The following TASP1 variants were observed in gnomAD, a reference collection of about 807,000 sequenced individuals.
TASP1 encodes the protein taspase 1, also known as threonine aspartase 1.
A neutral mutation model predicts 56.6 loss-of-function variants in TASP1; 16 were observed. That is an observed-to-expected ratio of 0.28 (90% CI 0.19 to 0.43). The LOEUF (loss-of-function observed/expected upper bound fraction) is 0.43. Ranked by LOEUF, TASP1 falls within the 20% of genes least tolerant of loss-of-function variation. The probability of loss-of-function intolerance (pLI) is 1.00; values close to 1 mark genes in which losing one functional copy is unlikely to be tolerated. For missense variants in TASP1, 393 were observed against 511.6 expected, an observed-to-expected ratio of 0.77 and a Z score of 2.24; for synonymous variants, 179 against 184.2, an observed-to-expected ratio of 0.97 and a Z score of 0.23.
intron 13 of TASP1, among the ~76,000 whole-genome samples, chr20:13,416,459 A>G (rs931840766): frequency 6.6e-6 from 1 of 152,154 alleles, no homozygotes; most frequent in African/African-American, 2.4e-5. Flanking sequence ...CTACTCACAA[A>G]AGTTCTGTGG....
chr20:13,238,492 A>G, the TASP1 span, among the ~76,000 whole-genome samples: 7 of 152,180 alleles, frequency 4.6e-5, no homozygotes, highest in Non-Finnish European at 1.0e-4. Flanking sequence ...TCGATTATAC[A>G]TAGTTCCCCA....
chr20:13,370,620 T>C, the TASP1 span, among the ~76,000 whole-genome samples: 1 of 152,106 alleles, frequency 6.6e-6, no homozygotes, highest in Non-Finnish European at 1.5e-5. Context: ...CCAAAATCCA[T>C]GTTGATGTCC....
the TASP1 span, among the ~76,000 whole-genome samples, chr20:13,263,332 GC>G: frequency 2.0e-5 from 3 of 151,854 alleles, no homozygotes; most frequent in African/African-American, 7.3e-5. Flanking sequence ...GTCCCAACAA[GC>G]CCCCCACCAC....
chr20:13,270,580 T>A, the TASP1 span: 1 of 1,613,992 alleles, frequency 6.2e-7, no homozygotes, highest in Admixed American at 1.7e-5. Flanking sequence ...AGGGAGCATC[T>A]GGACCACCAG....
At chr20:13,405,588 C>G (rs2041885205) in intron 13 of TASP1, among the ~76,000 whole-genome samples, 1 of 152,074 alleles carries the variant, frequency 6.6e-6, no homozygotes, top group African/African-American at 2.4e-5. Context: ...CCTCTGTTGC[C>G]CAGGCTGGGG....
chr20:13,379,468 T>C, the TASP1 span, among the ~76,000 whole-genome samples: 2 of 152,242 alleles, frequency 1.3e-5, no homozygotes, highest in Non-Finnish European at 2.9e-5. Context: ...GGGCTTCTCT[T>C]TGTGGGTAAC....
intron 1 of TASP1, among the ~76,000 whole-genome samples, chr20:13,633,208 T>TA (rs975044311): frequency 7.9e-5 from 12 of 152,230 alleles, no homozygotes; most frequent in Non-Finnish European, 1.5e-4. Flanking sequence ...ATTTGCTAAG[T>TA]AAAAAAGGAA....
the TASP1 span, chr20:13,244,119 A>G: frequency 6.6e-6 from 1 of 152,216 alleles, no homozygotes; most frequent in African/African-American, 2.4e-5. Flanking sequence ...GTACTTTGCT[A>G]TCCTCTCTTT....
the TASP1 span, among the ~76,000 whole-genome samples, chr20:13,211,804 A>G: frequency 6.6e-6 from 1 of 152,092 alleles, no homozygotes; most frequent in Non-Finnish European, 1.5e-5. Context: ...AATCCTACCC[A>G]CAGTTTCTTT....
intron 4 of TASP1, among the ~76,000 whole-genome samples, chr20:13,594,611 GA>G (rs1217655459): frequency 2.0e-5 from 3 of 152,108 alleles, no homozygotes; most frequent in East Asian, 1.9e-4. Context: ...CAATCAAGTG[GA>G]AAAAAGGATA....
At chr20:13,487,747 A>C (rs1044733621) in intron 10 of TASP1, among the ~76,000 whole-genome samples, 12 of 152,184 alleles carry the variant, frequency 7.9e-5, no homozygotes, top group Non-Finnish European at 1.3e-4. Flanking sequence ...AATAGCAAAA[A>C]ACAAAAAAAT....
At chr20:13,214,629 G>A in the TASP1 span, among the ~76,000 whole-genome samples, 1 of 151,558 alleles carries the variant, frequency 6.6e-6, no homozygotes, top group East Asian at 1.9e-4. Context: ...AGAGAGAAAG[G>A]AGGCATGTAA....
chr20:13,494,319 T>C (rs1028471723), intron 10 of TASP1, among the ~76,000 whole-genome samples: 2 of 152,152 alleles, frequency 1.3e-5, no homozygotes, highest in African/African-American at 4.8e-5. Flanking sequence ...CAAGACAAAA[T>C]ATTTACCACT....
the TASP1 span, among the ~76,000 whole-genome samples, chr20:13,313,225 A>G: frequency 1.3e-5 from 2 of 152,308 alleles, no homozygotes; most frequent in Non-Finnish European, 2.9e-5. Context: ...CCAGAATTTA[A>G]CACTCCATCC....
chr20:13,132,685 A>C, the TASP1 span: 1 of 152,178 alleles, frequency 6.6e-6, no homozygotes, highest in African/African-American at 2.4e-5. Context: ...CTCAGCAAAT[A>C]AACAGCTCTG....
Position 13,545,454 on chromosome 20 carries a change from G to A in TASP1, c.676-11313C>T, listed in dbSNP as rs924971417. ...ATTCCCCTCATTTGGTCAGAAGTACGATAATACAAATAAAAGTAGCATGAT... is the reference window on the plus strand; with the variant it reads ...ATTCCCCTCATTTGGTCAGAAGTACAATAATACAAATAAAAGTAGCATGAT... On this transcript the variant is annotated intron_variant, in intron 8 of 13. Transcript: ENST00000337743. Among the ~76,000 whole-genome samples the A allele has an allele frequency of 3.9e-5, 6 of 152,092 alleles. No individual in the cohort carries two copies. In the East Asian group the frequency reaches 5.8e-4, roughly 15 times the overall value.
At chr20:13,152,868 T>C in the TASP1 span, among the ~76,000 whole-genome samples, 2 of 152,186 alleles carry the variant, frequency 1.3e-5, no homozygotes, top group African/African-American at 2.4e-5. Flanking sequence ...CAGATGACTA[T>C]GATTGACATG....
intron 7 of TASP1, among the ~76,000 whole-genome samples, chr20:13,564,947 A>C (rs1325474890): frequency 6.6e-6 from 1 of 151,150 alleles, no homozygotes; most frequent in Non-Finnish European, 1.5e-5. Flanking sequence ...CGGAGGTTGC[A>C]GTGAGCAGAG....
intron 7 of TASP1, among the ~76,000 whole-genome samples, chr20:13,566,891 A>G (rs973901738): frequency 2.6e-5 from 4 of 152,326 alleles, no homozygotes; most frequent in East Asian, 1.9e-4. Context: ...AGCTAAAAAC[A>G]GAACTACCAT....
Sources: gnomAD v4.1 joint callset for allele counts (sites outside exome capture counted in the v4.1 genomes callset) on GRCh38, gnomAD v4.1.1 for gene constraint, MANE v1.5 for transcripts, NCBI Gene and HGNC (gene_info 2026-07-23, HGNC 2026-07-21) for gene names.